Variants in FAM107A observed in about 807,000 individuals in gnomAD.
FAM107A encodes the protein actin-associated protein FAM107A.
In FAM107A, 19 loss-of-function variants were observed where a neutral mutation model predicts 13.7. That is an observed-to-expected ratio of 1.38 (90% CI 0.97 to 2.03). The LOEUF is 2.03. Ranked by LOEUF, FAM107A falls within the 30% of genes most tolerant of loss-of-function variation. The pLI, the probability that FAM107A is intolerant of heterozygous loss-of-function variation, is 0.00. For synonymous variants in FAM107A, 82 were observed against 74.5 expected (o/e 1.10, Z -0.52); for missense variants, 203 against 184.4 (o/e 1.10, Z -0.58).
At chr3:58,598,075 A>G (rs2065722384) in intron 1 of FAM107A, among the ~76,000 whole-genome samples, 1 of 152,126 alleles carries the variant, frequency 6.6e-6, no homozygotes, top group African/African-American at 2.4e-5. Context: ...GCCCTCCTCT[A>G]CAACCTCCAC....
intron 1 of FAM107A, among the ~76,000 whole-genome samples, chr3:58,619,991 C>A (rs1427817845): frequency 2.0e-5 from 3 of 152,156 alleles, no homozygotes; most frequent in Non-Finnish European, 2.9e-5. Context: ...CCCTTCCCCC[C>A]AGCCTGAAGT....
intron 1 of FAM107A, among the ~76,000 whole-genome samples, chr3:58,603,229 G>C (rs1490518466): frequency 6.6e-6 from 1 of 152,142 alleles, no homozygotes; most frequent in Non-Finnish European, 1.5e-5. Context: ...GTGCACATTA[G>C]AAGCTCCCTA....
chr3:58,627,152 C>A, intron 1 of FAM107A: 2 of 692,884 alleles, frequency 2.9e-6, no homozygotes, highest in Non-Finnish European at 2.5e-6. Context: ...GCGGCTTTCA[C>A]AGCTGCTCCT....
rs34782813 is a variant in FAM107A at position 58,596,678 on chromosome 3, C to CAAA, written c.-69-7412_-69-7410dup. On this transcript the variant is annotated intron_variant, in intron 1 of 3. Coordinates refer to the FAM107A transcript ENST00000465970. ...TGGGTGACAGAGCCAGACTCGGTCT[C>CAAA]AAAAAAAAAAAAAAATTGAGGTGTA... 9.7e-3 allele frequency among the ~76,000 whole-genome samples: 1,306 copies of CAAA among 134,226 alleles called. 16 individuals are homozygous for CAAA. The highest frequency in any genetic ancestry group is 0.046 in the South Asian group (201 of 4,366). The allele number at this position is 134,226 out of a possible 152,430, so 88.1% of individuals were successfully genotyped here.
intron 1 of FAM107A, among the ~76,000 whole-genome samples, chr3:58,614,869 G>C (rs564989943): frequency 6.6e-6 from 1 of 152,044 alleles, no homozygotes; most frequent in South Asian, 2.1e-4. Context: ...GCAATGGCAC[G>C]ATCTTGGCTC....
intron 1 of FAM107A, among the ~76,000 whole-genome samples, chr3:58,605,241 GC>G (rs1286401554): frequency 2.0e-5 from 3 of 152,116 alleles, no homozygotes; most frequent in Admixed American, 6.6e-5. Flanking sequence ...GACTCTCCCA[GC>G]CCCAGTTCAC....
At chr3:58,601,224 T>C (rs2065750385) in intron 1 of FAM107A, among the ~76,000 whole-genome samples, 1 of 152,182 alleles carries the variant, frequency 6.6e-6, no homozygotes, top group Non-Finnish European at 1.5e-5. Flanking sequence ...ACAATGCAGA[T>C]GGGTGTAAAG....
intron 1 of FAM107A, among the ~76,000 whole-genome samples, chr3:58,612,528 C>G (rs778170498): frequency 6.7e-6 from 1 of 149,828 alleles, no homozygotes; most frequent in Non-Finnish European, 1.5e-5. Flanking sequence ...TGAAGTGAGC[C>G]GTGATCACAC....
chr3:58,612,908 T>C (rs1421797231), intron 1 of FAM107A, among the ~76,000 whole-genome samples: 1 of 150,440 alleles, frequency 6.6e-6, no homozygotes, highest in East Asian at 1.9e-4. Flanking sequence ...ATTTTTATTG[T>C]GCCAGCAGCC....
chr3:58,612,649 T>C (rs748779085), intron 1 of FAM107A, among the ~76,000 whole-genome samples: 22 of 151,720 alleles, frequency 1.5e-4, no homozygotes, highest in Non-Finnish European at 2.8e-4. Flanking sequence ...TGCCACAGTG[T>C]CACAGTGGTT....
chr3:58,586,888 C>G (rs759532304), exon 1 of FAM107A: 1 of 1,533,238 alleles, frequency 6.5e-7, no homozygotes, highest in Non-Finnish European at 8.7e-7. Context: ...CGGTAGAGCC[C>G]GGTGGCATCG....
chr3:58,623,102 G>C (rs565166797), intron 1 of FAM107A, among the ~76,000 whole-genome samples: 96 of 152,234 alleles, frequency 6.3e-4, no homozygotes, highest in Non-Finnish European at 1.2e-3. Context: ...ATCCATCATC[G>C]GCAGGGAAAA....
chr3:58,579,518 C>T (rs1285480910), upstream of FAM107A, among the ~76,000 whole-genome samples: 1 of 152,130 alleles, frequency 6.6e-6, no homozygotes, highest in Non-Finnish European at 1.5e-5. Context: ...CCAAACTCTC[C>T]TGGTAGAAGA....
chr3:58,593,318 C>T (rs1053497941), intron 1 of FAM107A, among the ~76,000 whole-genome samples: 1 of 152,190 alleles, frequency 6.6e-6, no homozygotes, highest in African/African-American at 2.4e-5. Context: ...GGGCTTTATA[C>T]AGTCACCCCC....
At position 58,569,495 on chromosome 3, in the gene FAM107A, C is replaced by T. The variant is rs991797966; in HGVS notation, c.170+196G>A. 2.6e-5 allele frequency among the ~76,000 whole-genome samples: 4 copies of T among 152,134 alleles called. No homozygotes were observed. The highest frequency in any genetic ancestry group is 5.9e-5 in the Non-Finnish European group (4 of 68,014). On this transcript the variant is annotated intron_variant, in intron 2 of 3. Coordinates refer to ENST00000360997, the MANE Select transcript of FAM107A (RefSeq NM_001076778.3). The surrounding 1 kb of genome is among the most constrained non-coding windows in gnomAD (Gnocchi z 5.7). ...GGGCAAGAGAACAGGGCTTTTTGGTCCCTCTGGTTCCCAGGGACCCACTGG... is the reference window on the plus strand; with the variant it reads ...GGGCAAGAGAACAGGGCTTTTTGGTTCCTCTGGTTCCCAGGGACCCACTGG...
intron 1 of FAM107A, among the ~76,000 whole-genome samples, chr3:58,595,560 C>T (rs942154356): frequency 2.1e-5 from 3 of 142,598 alleles, no homozygotes; most frequent in Non-Finnish European, 4.6e-5. Context: ...AGATCCACCC[C>T]CTGCCTGTAA....
chr3:58,592,791 C>T (rs1485815540), intron 1 of FAM107A, among the ~76,000 whole-genome samples: 3 of 152,220 alleles, frequency 2.0e-5, no homozygotes, highest in African/African-American at 7.2e-5. Context: ...AAAATTAGAG[C>T]CTGTCCTCAA....
chr3:58,621,117 G>A (rs945033152), intron 1 of FAM107A, among the ~76,000 whole-genome samples: 1 of 152,178 alleles, frequency 6.6e-6, no homozygotes, highest in Admixed American at 6.5e-5. Context: ...CTGAGGCTGG[G>A]GAGGAAATCA....
At chr3:58,622,473 G>T (rs780834188) in intron 1 of FAM107A, among the ~76,000 whole-genome samples, 1 of 152,140 alleles carries the variant, frequency 6.6e-6, no homozygotes, top group Non-Finnish European at 1.5e-5. Flanking sequence ...AAAGCATTTA[G>T]CATAGTGGCT....
Sources: gnomAD v4.1 joint callset for allele counts (sites outside exome capture counted in the v4.1 genomes callset) on GRCh38, gnomAD v4.1.1 for gene constraint, Gnocchi (gnomAD v3.1) non-coding constraint, MANE v1.5 for transcripts, NCBI Gene and HGNC (gene_info 2026-07-23, HGNC 2026-07-21) for gene names.